Variants in PCDH9 observed in about 807,000 individuals in gnomAD.
The protein encoded by PCDH9 is protocadherin-9.
In PCDH9, 24 loss-of-function variants were observed where a neutral mutation model predicts 70.6. The observed-to-expected ratio is 0.34, with a 90% CI of 0.25 to 0.48. PCDH9 has a LOEUF of 0.48. Ranked by LOEUF, PCDH9 falls within the 20% of genes least tolerant of loss-of-function variation. The probability of loss-of-function intolerance (pLI) is 0.99; values close to 1 mark genes in which losing one functional copy is unlikely to be tolerated. For synonymous variants in PCDH9, 562 were observed against 558.5 expected (o/e 1.01, Z -0.09); for missense variants, 1,281 against 1,503.6 (o/e 0.85, Z 2.45).
rs377699287 is a variant in PCDH9 at position 66,867,799 on chromosome 13, G to A, written c.3138+35705C>T. Among the ~76,000 whole-genome samples the A allele has an allele frequency of 4.3e-4, 66 of 151,856 alleles. No individual in the cohort carries two copies. In the East Asian group the frequency reaches 0.012, roughly 27 times the overall value. ...TCAAGTATAGAATCTGACCCTACAA[G>A]TGTTATGAACTTTTTGAAAAAAATC... On this transcript the variant is annotated intron_variant, in intron 3 of 4. Coordinates refer to ENST00000377865, the MANE Select transcript of PCDH9 (RefSeq NM_203487.3).
chr13:66,496,655 T>C (rs1266421432), intron 4 of PCDH9, among the ~76,000 whole-genome samples: 3 of 152,198 alleles, frequency 2.0e-5, no homozygotes, highest in African/African-American at 7.2e-5. Context: ...AGTCAGTTAT[T>C]ATGGAAACAA....
At chr13:66,815,694 A>G (rs953281287) in intron 3 of PCDH9, among the ~76,000 whole-genome samples, 5 of 152,200 alleles carry the variant, frequency 3.3e-5, no homozygotes, top group African/African-American at 1.2e-4. Flanking sequence ...CTCACTTATA[A>G]GTGGGAGCTA....
At chr13:66,750,340 A>G (rs554979960) in intron 3 of PCDH9, among the ~76,000 whole-genome samples, 1 of 151,720 alleles carries the variant, frequency 6.6e-6, no homozygotes, top group Non-Finnish European at 1.5e-5. Context: ...TTTCAAAAAC[A>G]AGTTTTCTCA....
At chr13:66,712,143 T>G (rs2078803337) in intron 3 of PCDH9, among the ~76,000 whole-genome samples, 1 of 152,224 alleles carries the variant, frequency 6.6e-6, no homozygotes, top group Non-Finnish European at 1.5e-5. Flanking sequence ...CTGTTGAACT[T>G]CTGAACAAAT....
chr13:66,737,834 C>G (rs1315933268), intron 3 of PCDH9, among the ~76,000 whole-genome samples: 3 of 152,068 alleles, frequency 2.0e-5, no homozygotes, highest in South Asian at 2.1e-4. Context: ...ACACCTGGCT[C>G]GGAGGGTCCT....
chr13:67,083,741 C>T (rs2086035341), intron 2 of PCDH9, among the ~76,000 whole-genome samples: 1 of 152,136 alleles, frequency 6.6e-6, no homozygotes. Context: ...CTATGAAACA[C>T]CAGAGAGGGC....
chr13:67,115,249 C>T (rs781140601), intron 2 of PCDH9, among the ~76,000 whole-genome samples: 3 of 152,132 alleles, frequency 2.0e-5, no homozygotes, highest in Non-Finnish European at 4.4e-5. Flanking sequence ...TTATAATTTG[C>T]ATCTGGTTTT....
intron 3 of PCDH9, among the ~76,000 whole-genome samples, chr13:66,711,878 T>C (rs2078799525): frequency 1.3e-5 from 2 of 152,180 alleles, no homozygotes; most frequent in South Asian, 4.1e-4. Context: ...CAGCAACACA[T>C]TGCTGAGATT....
At chr13:66,731,403 G>C (rs990427660) in intron 3 of PCDH9, among the ~76,000 whole-genome samples, 5 of 151,992 alleles carry the variant, frequency 3.3e-5, no homozygotes, top group African/African-American at 1.2e-4. Context: ...TTTAGATTTT[G>C]AACTAAATTT....
At chr13:67,050,549 T>C (rs755515348) in intron 2 of PCDH9, among the ~76,000 whole-genome samples, 1 of 152,212 alleles carries the variant, frequency 6.6e-6, no homozygotes, top group Non-Finnish European at 1.5e-5. Flanking sequence ...TCTAGCAAAG[T>C]TATCACAAGC....
intron 4 of PCDH9, among the ~76,000 whole-genome samples, chr13:66,481,016 T>C (rs1395263396): frequency 6.6e-6 from 1 of 152,042 alleles, no homozygotes. Context: ...TGCAGGGACA[T>C]GGATGAAGCT....
intron 4 of PCDH9, among the ~76,000 whole-genome samples, chr13:66,364,045 C>T (rs1316645564): frequency 2.0e-5 from 3 of 152,002 alleles, no homozygotes; most frequent in Non-Finnish European, 2.9e-5. Context: ...ATCCCAGCTA[C>T]TCGGGAAGCT....
intron 3 of PCDH9, among the ~76,000 whole-genome samples, chr13:66,704,418 T>C (rs2078686161): frequency 6.6e-6 from 1 of 152,188 alleles, no homozygotes; most frequent in Non-Finnish European, 1.5e-5. Context: ...CTGTAACATT[T>C]TTGCCTTACA....
At chr13:66,962,817 G>A (rs527434136) in intron 2 of PCDH9, among the ~76,000 whole-genome samples, 1 of 152,116 alleles carries the variant, frequency 6.6e-6, no homozygotes, top group South Asian at 2.1e-4. Flanking sequence ...AATTTCCCAT[G>A]GATTGGGGTT....
chr13:66,696,096 G>T (rs2139094997), intron 3 of PCDH9, among the ~76,000 whole-genome samples: 1 of 152,086 alleles, frequency 6.6e-6, no homozygotes, highest in South Asian at 2.1e-4. Context: ...TGAATTACAT[G>T]AATTATGTTT....
chr13:66,899,043 C>T (rs913643972), intron 3 of PCDH9, among the ~76,000 whole-genome samples: 2 of 151,950 alleles, frequency 1.3e-5, no homozygotes, highest in African/African-American at 4.8e-5. Context: ...GGGAGTTCTC[C>T]TCTCACGCAC....
intron 3 of PCDH9, among the ~76,000 whole-genome samples, chr13:66,734,298 A>C (rs1271359726): frequency 6.6e-6 from 1 of 152,174 alleles, no homozygotes; most frequent in East Asian, 1.9e-4. Context: ...CCTTGTTGAC[A>C]GGAGGGTAAT....
intron 3 of PCDH9, among the ~76,000 whole-genome samples, chr13:66,816,775 C>T (rs1325729497): frequency 1.3e-5 from 2 of 151,894 alleles, no homozygotes; most frequent in Admixed American, 6.6e-5. Flanking sequence ...CAAAAAGTAG[C>T]CGGGCGCAGT....
chr13:66,484,411 G>A (rs971924376), intron 4 of PCDH9, among the ~76,000 whole-genome samples: 2 of 152,064 alleles, frequency 1.3e-5, no homozygotes, highest in Non-Finnish European at 2.9e-5. Flanking sequence ...GAAGAAGCGA[G>A]CCACACCCAC....
Sources: gnomAD v4.1 joint callset for allele counts (sites outside exome capture counted in the v4.1 genomes callset) on GRCh38, gnomAD v4.1.1 for gene constraint, MANE v1.5 for transcripts, NCBI Gene and HGNC (gene_info 2026-07-23, HGNC 2026-07-21) for gene names.